HDAC9: variants seen among roughly 807,000 people sequenced by gnomAD.
HDAC9 encodes the protein MEF-2 interacting transcription repressor (MITR) protein.
HDAC9 carries 41 observed loss-of-function variants against 139.4 expected under a neutral mutation model. The ratio of observed to expected loss-of-function variants is 0.29; its 90% CI spans 0.23 to 0.38. The LOEUF (loss-of-function observed/expected upper bound fraction) is 0.38. Ranked by LOEUF, HDAC9 falls within the 10% of genes least tolerant of loss-of-function variation. The pLI is 1.00. For missense variants in HDAC9, 1,147 were observed against 1,297.0 expected, an observed-to-expected ratio of 0.88 and a Z score of 1.78; for synonymous variants, 517 against 476.2, an observed-to-expected ratio of 1.09 and a Z score of -1.12.
chr7:18,534,569 G>A (rs1185640267), intron 2 of HDAC9, among the ~76,000 whole-genome samples: 2 of 152,032 alleles, frequency 1.3e-5, no homozygotes, highest in Non-Finnish European at 2.9e-5. Flanking sequence ...GAGAGAGAGA[G>A]AAAAAGAGAG....
At chr7:18,541,635 G>C (rs897373379) in intron 2 of HDAC9, among the ~76,000 whole-genome samples, 1 of 152,112 alleles carries the variant, frequency 6.6e-6, no homozygotes, top group Non-Finnish European at 1.5e-5. Flanking sequence ...ATTTTGTTTA[G>C]AAATATTTTT....
intron 4 of HDAC9, 51 bp from the exon 5 acceptor site, chr7:18,591,465 C>A: frequency 6.8e-7 from 1 of 1,474,290 alleles, no homozygotes. Flanking sequence ...ACATCTGTTT[C>A]TGTGTGTGTA....
intron 16 of HDAC9, among the ~76,000 whole-genome samples, chr7:18,786,796 T>TTTCCTTCC (rs1173756197): frequency 4.8e-4 from 21 of 44,058 alleles, no homozygotes; most frequent in African/African-American, 1.4e-3. Flanking sequence ...TCTTTCTTTC[T>TTTCCTTCC]TTCCTTCCTT....
At chr7:18,428,813 C>G (rs925831918) in intron 1 of HDAC9, among the ~76,000 whole-genome samples, 2 of 152,158 alleles carry the variant, frequency 1.3e-5, no homozygotes, top group South Asian at 4.1e-4. Flanking sequence ...TCCCCTCACT[C>G]TGATTCATCT....
At chr7:18,143,616 T>A (rs760223627) in intron 1 of HDAC9, among the ~76,000 whole-genome samples, 7 of 152,076 alleles carry the variant, frequency 4.6e-5, no homozygotes, top group Non-Finnish European at 8.8e-5. Flanking sequence ...TGAAACCTCG[T>A]ATCTACTAAA....
At chr7:18,817,840 T>A (rs1794686415) in intron 17 of HDAC9, among the ~76,000 whole-genome samples, 1 of 152,198 alleles carries the variant, frequency 6.6e-6, no homozygotes, top group African/African-American at 2.4e-5. Flanking sequence ...AAATTGCCTA[T>A]GCACAAATAT....
intron 2 of HDAC9, among the ~76,000 whole-genome samples, chr7:18,580,099 T>C (rs971735150): frequency 6.6e-6 from 1 of 152,200 alleles, no homozygotes; most frequent in South Asian, 2.1e-4. Flanking sequence ...TCCTTAGTAC[T>C]CTGAATGAAC....
At position 18,959,789 on chromosome 7, in the gene HDAC9, C is replaced by T. The variant is rs76306628; in HGVS notation, c.3022+5559C>T. Among the ~76,000 whole-genome samples, 988 of 152,240 alleles carry T rather than the reference C, an allele frequency of 6.5e-3. 4 individuals carry two copies. Among genetic ancestry groups the T allele is most frequent in the Non-Finnish European group, 9.8e-3 (666 of 68,010 alleles). ...CTGTAGCCCCACTTTCACTTTTCCC[C>T]ACTCTAGGGATTATCCCTTACTTAG... On this transcript the variant is annotated intron_variant, in intron 24 of 25. Coordinates refer to ENST00000686413, the MANE Select transcript of HDAC9 (RefSeq NM_178425.4).
intron 1 of HDAC9, among the ~76,000 whole-genome samples, chr7:18,455,041 AT>A (rs1460032481): frequency 3.3e-5 from 5 of 151,804 alleles, no homozygotes; most frequent in Non-Finnish European, 7.4e-5. Flanking sequence ...TTTGGTCTTG[AT>A]TTTTTCTTTC....
intron 1 of HDAC9, among the ~76,000 whole-genome samples, chr7:18,375,571 A>T (rs1784934159): frequency 6.6e-6 from 1 of 152,086 alleles, no homozygotes; most frequent in Non-Finnish European, 1.5e-5. Flanking sequence ...CTCCTTAGCT[A>T]GGACACCACA....
At chr7:18,949,064 C>T (rs1298409526) in intron 23 of HDAC9, 3 of 378,912 alleles carry the variant, frequency 7.9e-6, no homozygotes, top group African/African-American at 4.4e-5. Context: ...AGAACTAGGT[C>T]CTTTTAGCGT....
chr7:18,941,215 C>G (rs1381879637), intron 23 of HDAC9, among the ~76,000 whole-genome samples: 1 of 150,748 alleles, frequency 6.6e-6, no homozygotes, highest in Admixed American at 6.6e-5. Flanking sequence ...TTCACTTCCT[C>G]ACTCCCTTCA....
intron 2 of HDAC9, among the ~76,000 whole-genome samples, chr7:18,232,273 C>G (rs1793514269): frequency 6.6e-6 from 1 of 152,104 alleles, no homozygotes; most frequent in Non-Finnish European, 1.5e-5. Context: ...AAAACCCAAA[C>G]CAGAAGCTCC....
chr7:18,130,575 A>G (rs1381062271), intron 1 of HDAC9, among the ~76,000 whole-genome samples: 2 of 152,140 alleles, frequency 1.3e-5, no homozygotes, highest in African/African-American at 4.8e-5. Flanking sequence ...GGTCGTTAGT[A>G]TATTCACAGA....
At chr7:18,531,575 T>C (rs140523197) in intron 2 of HDAC9, among the ~76,000 whole-genome samples, 59 of 152,042 alleles carry the variant, frequency 3.9e-4, no homozygotes, top group African/African-American at 1.4e-3. Flanking sequence ...TTAAAGAAAA[T>C]CAAGTTAATG....
intron 8 of HDAC9, among the ~76,000 whole-genome samples, chr7:18,636,667 A>AC (rs1333366506): frequency 6.6e-6 from 1 of 151,922 alleles, no homozygotes; most frequent in African/African-American, 2.4e-5. Flanking sequence ...CTATCCTGTT[A>AC]CCCCTCTTTA....
intron 17 of HDAC9, among the ~76,000 whole-genome samples, chr7:18,826,941 A>G (rs550603472): frequency 1.3e-5 from 2 of 151,704 alleles, no homozygotes; most frequent in Admixed American, 1.3e-4. Context: ...CATTTTTGTT[A>G]TAAAACTATT....
intron 2 of HDAC9, among the ~76,000 whole-genome samples, chr7:18,176,717 A>G (rs1490449568): frequency 1.3e-5 from 2 of 152,216 alleles, no homozygotes; most frequent in African/African-American, 2.4e-5. Context: ...TGTGTGTCAC[A>G]GGGCTTTGGT....
intron 2 of HDAC9, among the ~76,000 whole-genome samples, chr7:18,172,915 A>T (rs1397787375): frequency 6.6e-6 from 1 of 152,186 alleles, no homozygotes; most frequent in Non-Finnish European, 1.5e-5. Flanking sequence ...TGTTGAGAAG[A>T]ATGTATATTC....
Sources: allele counts gnomAD v4.1 joint callset (sites outside exome capture counted in the v4.1 genomes callset), GRCh38; gene constraint gnomAD v4.1.1; transcripts MANE v1.5; gene names NCBI Gene and HGNC (gene_info 2026-07-23, HGNC 2026-07-21).